The following ARHGAP26 variants were observed in gnomAD, a reference collection of about 807,000 sequenced individuals.
The protein encoded by ARHGAP26 is Rho GTPase activating protein 26, also known as rho GTPase-activating protein 26.
In ARHGAP26, 38 loss-of-function variants were observed where a neutral mutation model predicts 104.8. That is an observed-to-expected ratio of 0.36 (90% CI 0.28 to 0.48). The LOEUF (loss-of-function observed/expected upper bound fraction) is 0.48. ARHGAP26 is among the 20% of genes least tolerant of loss of function. The probability of loss-of-function intolerance (pLI) is 0.99; values close to 1 mark genes in which losing one functional copy is unlikely to be tolerated. For missense variants in ARHGAP26, 704 were observed against 947.9 expected, an observed-to-expected ratio of 0.74 and a Z score of 3.38; for synonymous variants, 341 against 340.0, an observed-to-expected ratio of 1.00 and a Z score of -0.03.
intron 1 of ARHGAP26, among the ~76,000 whole-genome samples, chr5:142,863,313 T>G (rs1296281508): frequency 6.6e-6 from 1 of 152,198 alleles, no homozygotes; most frequent in Non-Finnish European, 1.5e-5. Context: ...TTCACTGTGT[T>G]GGCCAGGCTG....
chr5:142,893,418 T>C (rs1759000242), intron 5 of ARHGAP26, among the ~76,000 whole-genome samples: 1 of 152,218 alleles, frequency 6.6e-6, no homozygotes, highest in South Asian at 2.1e-4. Context: ...TCCAGTTCCA[T>C]TCATGTTGCT....
At chr5:142,955,876 T>A (rs1257805771) in intron 11 of ARHGAP26, among the ~76,000 whole-genome samples, 4 of 152,228 alleles carry the variant, frequency 2.6e-5, no homozygotes, top group Non-Finnish European at 5.9e-5. Flanking sequence ...GAGTGAATCC[T>A]TGTGAAGCTT....
At chr5:142,943,199 A>G (rs965331483) in intron 11 of ARHGAP26, among the ~76,000 whole-genome samples, 1 of 152,214 alleles carries the variant, frequency 6.6e-6, no homozygotes, top group Non-Finnish European at 1.5e-5. Flanking sequence ...CCAAATCTTT[A>G]GATAAACCTA....
intron 12 of ARHGAP26, among the ~76,000 whole-genome samples, chr5:143,023,836 ACT>A (rs766722878): frequency 7.9e-5 from 12 of 152,158 alleles, no homozygotes; most frequent in Non-Finnish European, 1.2e-4. Context: ...GAGGACAGAC[ACT>A]CTGCCTCCCT....
chr5:143,099,725 C>T (rs1207140906), intron 17 of ARHGAP26, among the ~76,000 whole-genome samples: 1 of 152,148 alleles, frequency 6.6e-6, no homozygotes, highest in Non-Finnish European at 1.5e-5. Flanking sequence ...AGTAACCCAC[C>T]ATTAGCTAGA....
chr5:142,890,785 C>T (rs887086799), intron 5 of ARHGAP26, among the ~76,000 whole-genome samples: 3 of 152,114 alleles, frequency 2.0e-5, no homozygotes, highest in Non-Finnish European at 4.4e-5. Flanking sequence ...CCCATTTTCT[C>T]TTGGAAACAC....
At chr5:143,208,294 T>C (rs886641540) in intron 21 of ARHGAP26, among the ~76,000 whole-genome samples, 3 of 152,310 alleles carry the variant, frequency 2.0e-5, no homozygotes, top group African/African-American at 7.2e-5. Flanking sequence ...TAGTCTCAGC[T>C]TTCAGACAAC....
Position 142,928,552 on chromosome 5 carries a change from C to T in ARHGAP26, c.1029-3495C>T, listed in dbSNP as rs190378796. 1.2e-4 allele frequency among the ~76,000 whole-genome samples: 18 copies of T among 152,228 alleles called. No homozygotes were observed. The East Asian group carries it at 3.3e-3, about 28-fold the overall frequency. On this transcript the variant is annotated intron_variant, in intron 10 of 22. Coordinates refer to ENST00000645722, the MANE Select transcript of ARHGAP26 (RefSeq NM_001135608.3). ...GTCAACGTGAGCTCTCTGGGGGCTG[C>T]GGTGCCATCACATTTGCCATGGCAT...
At chr5:142,936,096 A>C (rs536065524) in intron 11 of ARHGAP26, among the ~76,000 whole-genome samples, 144 of 145,596 alleles carry the variant, frequency 9.9e-4, no homozygotes, top group Admixed American at 2.2e-3. Context: ...GTCTATGTAG[A>C]AAATCCCAAG....
chr5:143,049,113 T>G (rs1598798370), intron 14 of ARHGAP26, among the ~76,000 whole-genome samples: 1 of 152,278 alleles, frequency 6.6e-6, no homozygotes, highest in South Asian at 2.1e-4. Context: ...TTATACATAT[T>G]GGGGGCCACT....
At chr5:142,967,199 A>G (rs1169572896) in intron 11 of ARHGAP26, among the ~76,000 whole-genome samples, 3 of 152,188 alleles carry the variant, frequency 2.0e-5, no homozygotes, top group African/African-American at 7.2e-5. Flanking sequence ...GGGAAAACAG[A>G]ACGATAAAAA....
At chr5:142,800,225 A>G (rs1761795916) in intron 1 of ARHGAP26, among the ~76,000 whole-genome samples, 1 of 152,196 alleles carries the variant, frequency 6.6e-6, no homozygotes, top group Non-Finnish European at 1.5e-5. Context: ...AAGGGGAACT[A>G]GGGAGGGCTC....
intron 1 of ARHGAP26, among the ~76,000 whole-genome samples, chr5:142,783,009 A>G (rs1476541075): frequency 6.7e-6 from 1 of 149,778 alleles, no homozygotes; most frequent in Non-Finnish European, 1.5e-5. Context: ...CCCCGCCCCC[A>G]CTCCCTTCCA....
At chr5:142,975,224 C>G (rs898898105) in intron 11 of ARHGAP26, among the ~76,000 whole-genome samples, 1 of 152,160 alleles carries the variant, frequency 6.6e-6, no homozygotes, top group Non-Finnish European at 1.5e-5. Flanking sequence ...AAGCTGCTCA[C>G]CCCTCCTAGG....
At chr5:142,805,926 C>G (rs1216757564) in intron 1 of ARHGAP26, among the ~76,000 whole-genome samples, 1 of 152,190 alleles carries the variant, frequency 6.6e-6, no homozygotes, top group Admixed American at 6.5e-5. Flanking sequence ...GCTCCCCCTT[C>G]TAGAGCATCA....
chr5:142,885,514 C>G (rs1757577784), intron 5 of ARHGAP26, 115 bp downstream of exon 5: 1 of 825,910 alleles, frequency 1.2e-6, no homozygotes, highest in Admixed American at 2.8e-5. Flanking sequence ...CCTGGGAAGC[C>G]AGGAGATTGC....
chr5:142,858,023 G>T (rs1466617004), intron 1 of ARHGAP26, among the ~76,000 whole-genome samples: 1 of 151,886 alleles, frequency 6.6e-6, no homozygotes, highest in African/African-American at 2.4e-5. Context: ...AAGAGAGAGG[G>T]AGAGGGAGAG....
intron 11 of ARHGAP26, among the ~76,000 whole-genome samples, chr5:142,997,152 G>T (rs115202362): frequency 6.6e-6 from 1 of 151,504 alleles, no homozygotes; most frequent in Non-Finnish European, 1.5e-5. Flanking sequence ...GTATGTGCAT[G>T]TATATATATA....
chr5:143,074,389 C>G (rs1290811787), intron 17 of ARHGAP26, among the ~76,000 whole-genome samples: 1 of 152,142 alleles, frequency 6.6e-6, no homozygotes, highest in East Asian at 1.9e-4. Flanking sequence ...GGTATCCTGG[C>G]CTTTTTCCAT....
Sources: gnomAD v4.1 joint callset for allele counts (sites outside exome capture counted in the v4.1 genomes callset) on GRCh38, gnomAD v4.1.1 for gene constraint, MANE v1.5 for transcripts, NCBI Gene and HGNC (gene_info 2026-07-23, HGNC 2026-07-21) for gene names.